RUNX2: variants seen among roughly 807,000 people sequenced by gnomAD.
RUNX2 encodes RUNX family transcription factor 2, also known as runt-related transcription factor 2.
Under a neutral mutation model 51.7 loss-of-function variants are expected in RUNX2, and 10 were observed. The ratio of observed to expected loss-of-function variants is 0.19; its 90% CI spans 0.12 to 0.33. RUNX2 has a LOEUF of 0.33. RUNX2 is among the 10% of genes least tolerant of loss of function. The pLI, the probability that RUNX2 is intolerant of heterozygous loss-of-function variation, is 1.00. For synonymous variants in RUNX2, 276 were observed against 273.6 expected (o/e 1.01, Z -0.09); for missense variants, 562 against 691.3 (o/e 0.81, Z 2.10).
At chr6:45,357,893 GTATATA>G (rs200586327) in intron 2 of RUNX2, among the ~76,000 whole-genome samples, 1 of 151,036 alleles carries the variant, frequency 6.6e-6, no homozygotes, top group Non-Finnish European at 1.5e-5. Context: ...AAGACTAAGA[GTATATA>G]TATATATAAA....
In RUNX2 at chr6:45,537,442, G is replaced by A. The variant is rs147920314; in HGVS notation, c.1022-7775G>A. ...CCATGTACTGATCTGTAACTTCGACGAAATCACTTTTTTTGAGCTTGAGTT... is the reference window on the plus strand; with the variant it reads ...CCATGTACTGATCTGTAACTTCGACAAAATCACTTTTTTTGAGCTTGAGTT... On this transcript the variant is annotated intron_variant, in intron 7 of 8. Transcript: ENST00000647337. Among the ~76,000 whole-genome samples the A allele has an allele frequency of 8.0e-4, 122 of 152,280 alleles. 1 individual carries two copies. The highest frequency in any genetic ancestry group is 6.8e-3 in the Middle Eastern group (2 of 294).
chr6:45,507,734 A>G (rs1801015824), intron 6 of RUNX2, among the ~76,000 whole-genome samples: 1 of 152,216 alleles, frequency 6.6e-6, no homozygotes. Flanking sequence ...CCATTGTAAA[A>G]GGATATCAAC....
intron 2 of RUNX2, among the ~76,000 whole-genome samples, chr6:45,364,928 ATAAT>A (rs1284362998): frequency 1.3e-5 from 2 of 152,334 alleles, no homozygotes; most frequent in Middle Eastern, 3.4e-3. Flanking sequence ...ACTCAGGCAA[ATAAT>A]TAGAGCAATT....
chr6:45,342,740 TTAA>T (rs35113490), intron 2 of RUNX2, among the ~76,000 whole-genome samples: 20,422 of 152,046 alleles, frequency 0.13, 1,566 homozygotes, highest in East Asian at 0.26. Context: ...ATAGTTTGCG[TTAA>T]TGTTTTAAAA....
intron 2 of RUNX2, chr6:45,371,904 C>T: frequency 5.5e-6 from 5 of 903,204 alleles, no homozygotes; most frequent in Non-Finnish European, 6.6e-6. Flanking sequence ...GAACTGAAGT[C>T]CAGAGGGGTT....
chr6:45,376,827 C>A (rs1796844861), intron 2 of RUNX2, among the ~76,000 whole-genome samples: 2 of 151,714 alleles, frequency 1.3e-5, no homozygotes, highest in African/African-American at 4.9e-5. Flanking sequence ...ATACTAAGAC[C>A]CCAGGTCCTC....
intron 4 of RUNX2, among the ~76,000 whole-genome samples, chr6:45,435,242 G>A (rs545433093): frequency 5.3e-5 from 8 of 152,310 alleles, no homozygotes; most frequent in Admixed American, 2.0e-4. Context: ...TACATGAGGC[G>A]TCACCCTGAA....
chr6:45,491,540 T>C (rs1175443091), intron 5 of RUNX2, among the ~76,000 whole-genome samples: 1 of 151,934 alleles, frequency 6.6e-6, no homozygotes. Context: ...GTGGCTAACA[T>C]GCACGGACTC....
intron 7 of RUNX2, among the ~76,000 whole-genome samples, chr6:45,514,937 GT>G (rs60322978): frequency 0.071 from 10,073 of 141,082 alleles, 671 homozygotes; most frequent in African/African-American, 0.18. Flanking sequence ...TTTAATTTGG[GT>G]TTTTTTTTTT....
At chr6:45,390,788 G>A (rs922772588) in intron 2 of RUNX2, among the ~76,000 whole-genome samples, 1 of 152,200 alleles carries the variant, frequency 6.6e-6, no homozygotes, top group African/African-American at 2.4e-5. Flanking sequence ...GAACATCACA[G>A]GAGAGAAGCT....
intron 2 of RUNX2, among the ~76,000 whole-genome samples, chr6:45,375,453 T>C (rs983204359): frequency 6.6e-6 from 1 of 152,228 alleles, no homozygotes; most frequent in Non-Finnish European, 1.5e-5. Context: ...CTGATTTGTA[T>C]ATTATGAGCT....
intron 2 of RUNX2, among the ~76,000 whole-genome samples, chr6:45,366,232 A>G (rs1293193767): frequency 6.6e-6 from 1 of 152,216 alleles, no homozygotes; most frequent in Non-Finnish European, 1.5e-5. Flanking sequence ...GATAAAGTAA[A>G]GCAGTGCAGA....
In RUNX2 at chr6:45,471,351, GT is replaced by G. The variant is rs376650241; in HGVS notation, c.686-20588del. Among the ~76,000 whole-genome samples, 738 of 152,114 alleles carry G rather than the reference GT, an allele frequency of 4.9e-3. 11 individuals are homozygous for G. The highest frequency in any genetic ancestry group is 0.017 in the African/African-American group (697 of 41,492). ...AGTCAGGGAATCATCCTCTTTCTAAGTTCCTGAAAAGCAGGGTGTTTTGTGC... is the reference window on the plus strand; with the variant it reads ...AGTCAGGGAATCATCCTCTTTCTAAGTCCTGAAAAGCAGGGTGTTTTGTGC... On this transcript the variant is annotated intron_variant, in intron 5 of 8. Coordinates refer to ENST00000647337, the MANE Select transcript of RUNX2 (RefSeq NM_001024630.4).
At chr6:45,444,038 A>G (rs1798918226) in intron 5 of RUNX2, among the ~76,000 whole-genome samples, 1 of 152,052 alleles carries the variant, frequency 6.6e-6, no homozygotes, top group African/African-American at 2.4e-5. Context: ...TTTAGTAGAG[A>G]CGGGATTTTG....
chr6:45,469,315 G>A (rs1248273322), intron 5 of RUNX2, among the ~76,000 whole-genome samples: 3 of 152,116 alleles, frequency 2.0e-5, no homozygotes, highest in Non-Finnish European at 4.4e-5. Context: ...TAAATGAATG[G>A]TTAATTTTAA....
chr6:45,453,123 T>C (rs1214771556), intron 5 of RUNX2, among the ~76,000 whole-genome samples: 4 of 151,544 alleles, frequency 2.6e-5, no homozygotes, highest in Non-Finnish European at 5.9e-5. Context: ...CCCCCCAAGA[T>C]GATTTATTTT....
intron 2 of RUNX2, among the ~76,000 whole-genome samples, chr6:45,375,113 A>T (rs1796598975): frequency 6.6e-6 from 1 of 152,224 alleles, no homozygotes; most frequent in Admixed American, 6.5e-5. Context: ...AGGCTGAGGC[A>T]GGAGAATCGC....
chr6:45,379,946 A>G lies in RUNX2; in HGVS notation c.59-42647A>G, dbSNP rs753904947. ...AGGGAAACTGAGTTAAGGCATTGAT[A>G]CAGGAAGTTTAAAAATTTATTCTTA... On this transcript the variant is annotated intron_variant, in intron 2 of 8. Coordinates refer to ENST00000647337, the MANE Select transcript of RUNX2 (RefSeq NM_001024630.4). Among the ~76,000 whole-genome samples the G allele has an allele frequency of 5.9e-4, 90 of 152,330 alleles. 1 individual carries two copies. Among genetic ancestry groups the G allele is most frequent in the Admixed American group, 6.5e-4 (10 of 15,302 alleles).
chr6:45,355,134 C>G (rs1017061699), intron 2 of RUNX2, among the ~76,000 whole-genome samples: 1 of 148,682 alleles, frequency 6.7e-6, no homozygotes, highest in Non-Finnish European at 1.5e-5. Flanking sequence ...GCCAAAAGAC[C>G]TGGCTTTTTT....
Sources: gnomAD v4.1 joint callset for allele counts (sites outside exome capture counted in the v4.1 genomes callset) on GRCh38, gnomAD v4.1.1 for gene constraint, MANE v1.5 for transcripts, NCBI Gene and HGNC (gene_info 2026-07-23, HGNC 2026-07-21) for gene names.